The following EXOC3 variants were observed in gnomAD, a reference collection of about 807,000 sequenced individuals.
EXOC3 encodes the protein exocyst complex component 3.
Under a neutral mutation model 73.7 loss-of-function variants are expected in EXOC3, and 21 were observed. The ratio of observed to expected loss-of-function variants is 0.29; its 90% CI spans 0.20 to 0.41. The LOEUF is 0.41. Ranked by LOEUF, EXOC3 falls within the 10% of genes least tolerant of loss-of-function variation. EXOC3 has a pLI of 1.00. For missense variants in EXOC3, 842 were observed against 985.1 expected (o/e 0.85, Z 1.95); for synonymous variants, 410 against 389.1 (o/e 1.05, Z -0.63).
intron 4 of EXOC3, among the ~76,000 whole-genome samples, chr5:454,419 G>A (rs570008339): frequency 2.0e-5 from 3 of 152,366 alleles, no homozygotes; most frequent in Non-Finnish European, 1.5e-5. Flanking sequence ...AGGACACATG[G>A]TCCCAGGCGG....
At chr5:447,816 C>G (rs1737549776) in intron 3 of EXOC3, 64 bp downstream of exon 3, 2 of 1,201,740 alleles carry the variant, frequency 1.7e-6, no homozygotes. Flanking sequence ...TCACTGAGTG[C>G]TCTGTGTGCA....
At chr5:465,676 G>A (rs1431433644) in intron 11 of EXOC3, 42 bp from the exon 12 acceptor site, 2 of 1,612,032 alleles carry the variant, frequency 1.2e-6, no homozygotes, top group Admixed American at 1.7e-5. Context: ...CAGCGCCGCG[G>A]GACAGCCGAG....
chr5:452,364 A>G (rs1737682309), intron 3 of EXOC3, among the ~76,000 whole-genome samples: 1 of 151,992 alleles, frequency 6.6e-6, no homozygotes, highest in African/African-American at 2.4e-5. Context: ...TTTCAGCTTC[A>G]TATTTTCTGT....
chr5:466,817 A>C lies in EXOC3; in HGVS notation c.2157A>C (p.Pro719=). 6.2e-7 allele frequency: 1 copy of C among 1,613,450 alleles called. No homozygotes were observed. Among genetic ancestry groups the C allele is most frequent in the Middle Eastern group, 1.7e-4 (1 of 6,058 alleles). ...QTIMETLEQG[P]AQASPSYVPL... ...TCATGGAGACCCTGGAGCAGGGCCC[A>C]GCACAGGCCAGCCCCAGCTACGTGC... The change falls in exon 13 of 13, where the codon CCA becomes CCC. Residue 719 remains proline, a synonymous_variant. Transcript: ENST00000512944.
intron 12 of EXOC3, 81 bp downstream of exon 12, chr5:465,926 G>A: frequency 6.7e-7 from 1 of 1,488,028 alleles, no homozygotes; most frequent in Non-Finnish European, 9.1e-7. Context: ...GGGGCGGGTG[G>A]GGCTCCTGGT....
intron 1 of EXOC3, among the ~76,000 whole-genome samples, chr5:443,845 T>TC (rs1208661145): frequency 4.0e-5 from 6 of 151,506 alleles, no homozygotes; most frequent in Admixed American, 6.6e-5. Context: ...GGCACAGGTG[T>TC]CCCCCCTCGG....
At chr5:450,932 T>C (rs1737644320) in intron 3 of EXOC3, among the ~76,000 whole-genome samples, 1 of 152,200 alleles carries the variant, frequency 6.6e-6, no homozygotes, top group African/African-American at 2.4e-5. Flanking sequence ...AAGGTCAGTC[T>C]CTGGTGAACA....
intron 3 of EXOC3, among the ~76,000 whole-genome samples, chr5:450,062 A>T (rs1353299683): frequency 6.6e-6 from 1 of 152,228 alleles, no homozygotes; most frequent in Non-Finnish European, 1.5e-5. Context: ...CCCGGCCAAC[A>T]TGGTGAAACC....
In EXOC3 at chr5:446,245, C is replaced by T. The variant is rs1392522161; in HGVS notation, c.40C>T (p.Gln14Ter). 4 of 1,614,002 alleles carry T rather than the reference C, an allele frequency of 2.5e-6. No individual in the cohort carries two copies. In the Admixed American group the frequency reaches 6.7e-5, roughly 27 times the overall value. The change falls in exon 2 of 13, where the codon CAA (glutamine) becomes TAA (stop). Residue 14 changes from glutamine (Q) to a stop codon, truncating the protein, a stop_gained. Coordinates refer to ENST00000512944, the MANE Select transcript of EXOC3 (RefSeq NM_007277.5). LOFTEE classifies it high-confidence loss of function. The stretch of plus-strand genomic sequence containing the variant: ...CCGGGAGGCCGTTGCGACAGCAGTG[C>T]AAAGGGTTGCTGGGATGCTCCAGCG... The part of the protein sequence containing the change: ...TDREAVATAV[Q>*]RVAGMLQRPD...
chr5:460,645 T>C (rs368367955), intron 7 of EXOC3, among the ~76,000 whole-genome samples: 1 of 151,686 alleles, frequency 6.6e-6, no homozygotes, highest in East Asian at 1.9e-4. Context: ...CCTCTATCCA[T>C]AGAGGTCTTA....
At chr5:464,775 C>T (rs1738089623) in intron 10 of EXOC3, 3 of 430,998 alleles carry the variant, frequency 7.0e-6, no homozygotes, top group East Asian at 4.4e-5. Context: ...GTGCCTGCCG[C>T]GTTTTCCAGA....
intron 3 of EXOC3, among the ~76,000 whole-genome samples, chr5:452,646 G>A (rs1737689608): frequency 6.6e-6 from 1 of 152,212 alleles, no homozygotes; most frequent in Non-Finnish European, 1.5e-5. Flanking sequence ...CTGGAAATCA[G>A]ATCCCCTTCC....
intron 4 of EXOC3, among the ~76,000 whole-genome samples, chr5:455,268 T>C (rs1737776498): frequency 6.6e-6 from 1 of 152,236 alleles, no homozygotes; most frequent in Admixed American, 6.5e-5. Context: ...CCATGGCCAC[T>C]AGGCTGGGCT....
At position 466,815 on chromosome 5, in the gene EXOC3, C is replaced by G. The variant is rs1482969466; in HGVS notation, c.2155C>G (p.Pro719Ala). 2.5e-6 allele frequency: 4 copies of G among 1,613,384 alleles called. No individual in the cohort carries two copies. Among genetic ancestry groups the G allele is most frequent in the Middle Eastern group, 1.7e-4 (1 of 6,058 alleles). ...QTIMETLEQGPAQASPSYVPL... is the reference protein window; with the variant it reads ...QTIMETLEQGAAQASPSYVPL... ...CATCATGGAGACCCTGGAGCAGGGC[C>G]CAGCACAGGCCAGCCCCAGCTACGT... Residue 719 changes from proline (P) to alanine (A), a missense_variant, in exon 13 of 13, where the codon CCA becomes GCA. Coordinates refer to ENST00000512944, the MANE Select transcript of EXOC3 (RefSeq NM_007277.5).
chr5:457,018 T>C lies in EXOC3; in HGVS notation c.1164+12T>C. 3 of 1,585,142 alleles carry C rather than the reference T, an allele frequency of 1.9e-6. No individual in the cohort carries two copies. Among genetic ancestry groups the C allele is most frequent in the South Asian group, 1.1e-5 (1 of 90,206 alleles). ...TGTCCACGCTCACTGTGAGTAGGGC[T>C]GGCCTGCGTGCCACAGACCACCGTG... On this transcript the variant is annotated intron_variant, in intron 5 of 12. Coordinates refer to ENST00000512944, the MANE Select transcript of EXOC3 (RefSeq NM_007277.5).
intron 5 of EXOC3, chr5:457,382 C>A: frequency 3.6e-6 from 1 of 277,124 alleles, no homozygotes; most frequent in Non-Finnish European, 7.0e-6. Flanking sequence ...GCCTGGTGAC[C>A]ACCAGGTGGT....
Position 447,695 on chromosome 5 carries a change from G to A in EXOC3, c.307G>A (p.Val103Met), listed in dbSNP as rs764599617. Reference protein sequence around the residue: ...IESLKDVKDAVVQHSQLAAAV... With the variant: ...IESLKDVKDAMVQHSQLAAAV... ...GAGCCTCAAGGACGTCAAAGACGCC[G>A]TGGTGCAGCACAGCCAGCTCGCCGC... Residue 103 changes from valine (V) to methionine (M), a missense_variant, in exon 3 of 13, where the codon GTG becomes ATG. By Grantham distance (21) the Val-to-Met change is conservative. Transcript: ENST00000512944. The A allele has an allele frequency of 9.4e-6, 15 of 1,591,858 alleles. No individual in the cohort carries two copies. The highest frequency in any genetic ancestry group is 1.3e-5 in the African/African-American group (1 of 74,550).
chr5:448,086 C>T (rs1431959089), intron 3 of EXOC3, among the ~76,000 whole-genome samples: 4 of 152,200 alleles, frequency 2.6e-5, no homozygotes, highest in African/African-American at 7.2e-5. Flanking sequence ...ATGAAGACGC[C>T]GTGGCCCATG....
intron 10 of EXOC3, 128 bp from the exon 11 acceptor site, chr5:464,983 G>T: frequency 1.0e-6 from 1 of 958,778 alleles, no homozygotes; most frequent in Non-Finnish European, 1.5e-6. Context: ...CCAGAGCCGT[G>T]GCGGAGCGAG....
Sources: gnomAD v4.1 joint callset for allele counts (sites outside exome capture counted in the v4.1 genomes callset) on GRCh38, gnomAD v4.1.1 for gene constraint, MANE v1.5 for transcripts, NCBI Gene and HGNC (gene_info 2026-07-23, HGNC 2026-07-21) for gene names.